The following BCAS1 variants were observed in gnomAD, a reference collection of about 807,000 sequenced individuals.
The protein encoded by BCAS1 is breast carcinoma-amplified sequence 1.
BCAS1 carries 46 observed loss-of-function variants against 65.4 expected under a neutral mutation model. The observed-to-expected ratio is 0.70, with a 90% CI of 0.55 to 0.90. The LOEUF (loss-of-function observed/expected upper bound fraction) is 0.90, where lower values mean the gene tolerates loss of function less well. BCAS1 is among the 40% of genes least tolerant of loss of function. BCAS1 has a pLI of 0.00. For missense variants in BCAS1, 793 were observed against 771.2 expected (o/e 1.03, Z -0.33); for synonymous variants, 298 against 293.5 (o/e 1.02, Z -0.16).
chr20:54,060,787 T>C (rs2092367855), intron 1 of BCAS1, among the ~76,000 whole-genome samples: 1 of 152,128 alleles, frequency 6.6e-6, no homozygotes, highest in South Asian at 2.1e-4. Context: ...CCACAAGAAA[T>C]TGTAAGCACC....
rs290466 is a variant in BCAS1 at position 54,037,680 on chromosome 20, G to A, written c.143-8708C>T. On this transcript the variant is annotated intron_variant, in intron 3 of 12. Coordinates refer to ENST00000688948, the MANE Select transcript of BCAS1 (RefSeq NM_001366298.2). ...TATCATCACTCCCATTTTACAGGTC[G>A]TGAAACTGAGGCTCTGAAAAGTCAA... 2.3e-4 allele frequency among the ~76,000 whole-genome samples: 34 copies of A among 150,954 alleles called. No homozygotes were observed. In the East Asian group the frequency reaches 5.6e-3, roughly 25 times the overall value.
At chr20:54,017,128 C>T (rs528450762) in intron 4 of BCAS1, among the ~76,000 whole-genome samples, 2 of 152,254 alleles carry the variant, frequency 1.3e-5, no homozygotes, top group African/African-American at 4.8e-5. Context: ...GGAAAGAAAT[C>T]TATCTAAGAA....
At chr20:53,954,744 C>A (rs527300218) in intron 11 of BCAS1, among the ~76,000 whole-genome samples, 1 of 152,098 alleles carries the variant, frequency 6.6e-6, no homozygotes, top group African/African-American at 2.4e-5. Context: ...AAAAATATTT[C>A]TCCAGTATAA....
Position 54,028,929 on chromosome 20 carries a change from A to G in BCAS1, c.186T>C (p.Ser62=). The part of the protein sequence containing the change: ...ISVKTDNVAT[S]SPETTEISAV... ...CACTTATCTCCGTTGTCTCGGGGGA[A>G]GAAGTGGCCACATTATCCGTCTTGA... The change falls in exon 4 of 13, where the codon TCT becomes TCC. Residue 62 remains serine, a synonymous_variant. Coordinates refer to ENST00000688948, the MANE Select transcript of BCAS1 (RefSeq NM_001366298.2). 10 of 1,613,864 alleles carry G rather than the reference A, an allele frequency of 6.2e-6. No homozygotes were observed. The highest frequency in any genetic ancestry group is 8.5e-6 in the Non-Finnish European group (10 of 1,179,948).
At chr20:53,983,846 A>ACTCTCTGTAGTCTGAAGG in intron 8 of BCAS1, among the ~76,000 whole-genome samples, 1 of 151,686 alleles carries the variant, frequency 6.6e-6, no homozygotes, top group South Asian at 2.1e-4. Flanking sequence ...GATGGTCAGA[A>ACTCTCTGTAGTCTGAAGG]CTCTCTGTAG....
At chr20:53,981,279 A>G (rs183225927) in intron 8 of BCAS1, among the ~76,000 whole-genome samples, 2 of 152,318 alleles carry the variant, frequency 1.3e-5, no homozygotes, top group African/African-American at 4.8e-5. Flanking sequence ...AAGTGCTTCC[A>G]TAATTGCCCA....
intron 10 of BCAS1, among the ~76,000 whole-genome samples, chr20:53,959,599 TGTTGCCCAG>T (rs1327978246): frequency 6.6e-6 from 1 of 152,190 alleles, no homozygotes; most frequent in Non-Finnish European, 1.5e-5. Context: ...AGTCTCACTA[TGTTGCCCAG>T]GTTGGTCTCG....
chr20:54,046,570 G>T (rs1345253889), intron 3 of BCAS1, among the ~76,000 whole-genome samples: 1 of 149,630 alleles, frequency 6.7e-6, no homozygotes, highest in African/African-American at 2.5e-5. Flanking sequence ...GATGCCAGGT[G>T]CAGTGGCTCA....
At chr20:53,956,604 A>T (rs1350440168) in intron 11 of BCAS1, among the ~76,000 whole-genome samples, 1 of 152,068 alleles carries the variant, frequency 6.6e-6, no homozygotes, top group Non-Finnish European at 1.5e-5. Context: ...TAGCTCCTTT[A>T]TATAGATGAG....
intron 12 of BCAS1, among the ~76,000 whole-genome samples, chr20:53,952,416 T>C (rs2089556599): frequency 6.6e-6 from 1 of 152,194 alleles, no homozygotes; most frequent in South Asian, 2.1e-4. Context: ...CTGCCTAAAA[T>C]TGCAAGCAGT....
chr20:54,006,219 G>T (rs947582291), intron 4 of BCAS1, among the ~76,000 whole-genome samples: 1 of 152,172 alleles, frequency 6.6e-6, no homozygotes, highest in Non-Finnish European at 1.5e-5. Flanking sequence ...AGAACAATCT[G>T]CAAGGCAAAA....
intron 3 of BCAS1, among the ~76,000 whole-genome samples, chr20:54,052,370 GT>G (rs2092231679): frequency 6.6e-6 from 1 of 152,140 alleles, no homozygotes; most frequent in Non-Finnish European, 1.5e-5. Context: ...TGCCTTTTGT[GT>G]CTGGCTTCTT....
chr20:54,041,904 TC>T (rs796843830), intron 3 of BCAS1, among the ~76,000 whole-genome samples: 348 of 30,920 alleles, frequency 0.011, 40 homozygotes, highest in African/African-American at 0.029. Flanking sequence ...AGACTCTGTC[TC>T]CCCCAAAAAA....
chr20:54,060,695 G>A lies in BCAS1; in HGVS notation c.-5-1972C>T, dbSNP rs115254620. ...TGGCAGGTTGTGGCACTGCTGGGTA[G>A]GATGGTTCTGAAATGACTGTTAATG... On this transcript the variant is annotated intron_variant, in intron 1 of 12. Coordinates refer to ENST00000688948, the MANE Select transcript of BCAS1 (RefSeq NM_001366298.2). Among the ~76,000 whole-genome samples, 858 of 152,278 alleles carry A rather than the reference G, an allele frequency of 5.6e-3. 9 individuals carry two copies. The highest frequency in any genetic ancestry group is 0.02 in the African/African-American group (827 of 41,544).
At chr20:54,043,784 G>A (rs758264242) in intron 3 of BCAS1, among the ~76,000 whole-genome samples, 1 of 152,182 alleles carries the variant, frequency 6.6e-6, no homozygotes, top group Non-Finnish European at 1.5e-5. Flanking sequence ...CGGTACCCAG[G>A]TGATGTGATG....
chr20:54,048,480 A>G (rs1205172791), intron 3 of BCAS1, among the ~76,000 whole-genome samples: 1 of 152,086 alleles, frequency 6.6e-6, no homozygotes, highest in Non-Finnish European at 1.5e-5. Flanking sequence ...TCAGGGAAGG[A>G]TCCTCCTTCC....
chr20:53,982,524 T>C (rs2061501494), intron 8 of BCAS1, among the ~76,000 whole-genome samples: 1 of 152,174 alleles, frequency 6.6e-6, no homozygotes, highest in African/African-American at 2.4e-5. Flanking sequence ...GCTTATAAAC[T>C]TTAAAATCAA....
chr20:53,990,012 T>C (rs1406629795), intron 7 of BCAS1, among the ~76,000 whole-genome samples: 2 of 152,208 alleles, frequency 1.3e-5, no homozygotes, highest in Non-Finnish European at 2.9e-5. Context: ...TGGATTCAAT[T>C]TGGAGATTGT....
chr20:54,007,755 A>T (rs2091232503), intron 4 of BCAS1, among the ~76,000 whole-genome samples: 1 of 152,160 alleles, frequency 6.6e-6, no homozygotes, highest in Non-Finnish European at 1.5e-5. Flanking sequence ...ATTAAAAAAT[A>T]ACATAAGACT....
Sources: allele counts gnomAD v4.1 joint callset (sites outside exome capture counted in the v4.1 genomes callset), GRCh38; gene constraint gnomAD v4.1.1; transcripts MANE v1.5; gene names NCBI Gene and HGNC (gene_info 2026-07-23, HGNC 2026-07-21).